PRLR: variants seen among roughly 807,000 people sequenced by gnomAD.
The protein encoded by PRLR is hPRL receptor.
In PRLR, 13 loss-of-function variants were observed where a neutral mutation model predicts 40.2. That is an observed-to-expected ratio of 0.32 (90% CI 0.21 to 0.51). The LOEUF (loss-of-function observed/expected upper bound fraction) is 0.51. PRLR is among the 20% of genes least tolerant of loss of function. The probability of loss-of-function intolerance (pLI) is 0.97; values close to 1 mark genes in which losing one functional copy is unlikely to be tolerated. For missense variants in PRLR, 656 were observed against 747.3 expected (o/e 0.88, Z 1.42); for synonymous variants, 269 against 278.7 (o/e 0.97, Z 0.35).
intron 1 of PRLR, among the ~76,000 whole-genome samples, chr5:35,148,142 C>G (rs946835743): frequency 6.6e-6 from 1 of 152,114 alleles, no homozygotes; most frequent in Non-Finnish European, 1.5e-5. Flanking sequence ...ATCTACCCTT[C>G]TAAATATTTC....
rs373389309 is a variant in PRLR at position 35,065,722 on chromosome 5, T to C, written c.1236A>G (p.Lys412=). ...KIPYFHAGGS[K]CSTWPLPQPS... is the part of the protein sequence containing the mutation. ...GCTGTGGTAAGGGCCATGTTGAACA[T>C]TTGGATCCACCAGCATGAAAATAGG... Residue 412 remains lysine, a synonymous_variant, in exon 10 of 10, where the codon AAA becomes AAG. Coordinates refer to ENST00000618457, the MANE Select transcript of PRLR (RefSeq NM_000949.7). 9 of 1,613,972 alleles carry C rather than the reference T, an allele frequency of 5.6e-6. No individual in the cohort carries two copies. In the African/African-American group the frequency reaches 1.1e-4, roughly 19 times the overall value.
In PRLR at chr5:35,063,450, T is replaced by C. The variant is rs1210750097; in HGVS notation, c.*1639A>G. ...TAGAGAGGGGCTGCTAGATGAGTCA[T>C]GGATGCGCCCTTTAAAATGAGGATC... On this transcript the variant is annotated 3_prime_UTR_variant, in exon 10 of 10. Transcript: ENST00000618457. The C allele has an allele frequency of 1.3e-5, 2 of 152,196 alleles. No homozygotes were observed. Among genetic ancestry groups the C allele is most frequent in the Non-Finnish European group, 2.9e-5 (2 of 68,038 alleles). The allele number at this position is 152,196 out of a possible 1,614,324, so 9.4% of individuals were successfully genotyped here.
At chr5:35,130,757 G>C (rs1031156649) in intron 1 of PRLR, among the ~76,000 whole-genome samples, 23 of 152,156 alleles carry the variant, frequency 1.5e-4, no homozygotes, top group African/African-American at 5.3e-4. Flanking sequence ...TTGGAAATAG[G>C]GTCCTTGCAA....
intron 1 of PRLR, among the ~76,000 whole-genome samples, chr5:35,229,950 C>G (rs1368448900): frequency 6.6e-6 from 1 of 152,182 alleles, no homozygotes; most frequent in African/African-American, 2.4e-5. Flanking sequence ...GGTGAAGATG[C>G]CTTTGACAAA....
At chr5:35,106,947 T>C (rs1772300527) in intron 2 of PRLR, among the ~76,000 whole-genome samples, 1 of 152,286 alleles carries the variant, frequency 6.6e-6, no homozygotes, top group Non-Finnish European at 1.5e-5. Context: ...CACATCGCAC[T>C]TATTCCAAAA....
downstream of PRLR, among the ~76,000 whole-genome samples, chr5:35,052,704 T>C (rs1043358279): frequency 6.6e-6 from 1 of 152,200 alleles, no homozygotes. Context: ...TGTTTGACTG[T>C]AGGTCATAAG....
intron 2 of PRLR, among the ~76,000 whole-genome samples, chr5:35,106,401 T>G (rs1772253044): frequency 6.6e-6 from 1 of 152,288 alleles, no homozygotes; most frequent in East Asian, 1.9e-4. Flanking sequence ...GTAAATGGGC[T>G]AAATGCTCCA....
intron 2 of PRLR, among the ~76,000 whole-genome samples, chr5:35,113,643 G>A (rs988024330): frequency 1.5e-4 from 23 of 152,218 alleles, no homozygotes; most frequent in African/African-American, 5.3e-4. Flanking sequence ...AGAATACAAT[G>A]TTTTGCTGAA....
chr5:35,061,126 A>C lies in PRLR; in HGVS notation c.*3963T>G, dbSNP rs1415620272. On this transcript the variant is annotated 3_prime_UTR_variant, in exon 10 of 10. Transcript: ENST00000618457. Reference sequence around the variant, plus strand: ...CATACATATCTATATCTATATCTATATATATATATAATCCCTATAAGGCAA... The same window carrying C: ...CATACATATCTATATCTATATCTATCTATATATATAATCCCTATAAGGCAA... 2 of 151,964 alleles carry C rather than the reference A, an allele frequency of 1.3e-5. No homozygotes were observed. The highest frequency in any genetic ancestry group is 4.8e-5 in the African/African-American group (2 of 41,352). The allele number at this position is 151,964 out of a possible 1,614,324, so 9.4% of individuals were successfully genotyped here. A position where few individuals can be genotyped will look rare whatever the true frequency, so the allele number is the denominator to read the frequency against.
intron 1 of PRLR, among the ~76,000 whole-genome samples, chr5:35,192,170 C>CTGTTATG (rs1259663944): frequency 6.6e-6 from 1 of 152,180 alleles, no homozygotes; most frequent in African/African-American, 2.4e-5. Context: ...TTGCCAAGAC[C>CTGTTATG]TACTCTGTTA....
chr5:35,149,575 G>A (rs548256813), intron 1 of PRLR, among the ~76,000 whole-genome samples: 1 of 152,228 alleles, frequency 6.6e-6, no homozygotes, highest in East Asian at 1.9e-4. Flanking sequence ...ACTTCAAAAG[G>A]TAAGGGTCTC....
intron 1 of PRLR, among the ~76,000 whole-genome samples, chr5:35,118,867 CT>C (rs1405799079): frequency 6.6e-6 from 1 of 151,902 alleles, no homozygotes; most frequent in Non-Finnish European, 1.5e-5. Flanking sequence ...CTCACTGCAA[CT>C]TCAACCTCCC....
At chr5:35,163,889 G>A (rs1039877170) in intron 1 of PRLR, among the ~76,000 whole-genome samples, 1 of 152,196 alleles carries the variant, frequency 6.6e-6, no homozygotes, top group Non-Finnish European at 1.5e-5. Flanking sequence ...TAGAGACACT[G>A]TGACAAATAG....
chr5:35,161,739 T>C (rs985903842), intron 1 of PRLR, among the ~76,000 whole-genome samples: 3 of 152,238 alleles, frequency 2.0e-5, no homozygotes, highest in African/African-American at 7.2e-5. Flanking sequence ...GCTTGCATTA[T>C]CTGGATAAAT....
At position 35,062,630 on chromosome 5, in the gene PRLR, T is replaced by A. The variant is rs923174324; in HGVS notation, c.*2459A>T. Reference sequence around the variant, plus strand: ...AAAGCAGATTACTTTTATGTTTAGGTTTTCAGACTATAAGAGTGACTGATA... The same window carrying A: ...AAAGCAGATTACTTTTATGTTTAGGATTTCAGACTATAAGAGTGACTGATA... On this transcript the variant is annotated 3_prime_UTR_variant, in exon 10 of 10. Coordinates refer to ENST00000618457, the MANE Select transcript of PRLR (RefSeq NM_000949.7). 5 of 152,314 alleles carry A rather than the reference T, an allele frequency of 3.3e-5. No homozygotes were observed. In the East Asian group the frequency reaches 9.7e-4, roughly 29 times the overall value. 9.4% of individuals were successfully genotyped at this position (152,314 alleles called of 1,614,324 possible). A position where few individuals can be genotyped will look rare whatever the true frequency, so the allele number is the denominator to read the frequency against.
In PRLR at chr5:35,065,903, C is replaced by G; in HGVS notation, c.1055G>C (p.Gly352Ala). 1 of 1,614,124 alleles carries G rather than the reference C, an allele frequency of 6.2e-7. No individual in the cohort carries two copies. The highest frequency in any genetic ancestry group is 1.1e-5 in the South Asian group (1 of 91,066). Residue 352 changes from glycine to alanine, a missense_variant, in exon 10 of 10, where the codon GGG becomes GCG. Coordinates refer to ENST00000618457, the MANE Select transcript of PRLR (RefSeq NM_000949.7). Reference protein sequence around the residue: ...YLDPDTDSGRGSCDSPSLLSE... With the variant: ...YLDPDTDSGRASCDSPSLLSE... ...CAAAAGGGAAGGGCTGTCACAGCTC[C>G]CCCGGCCTGAGTCAGTGTCAGGATC...
chr5:35,178,738 C>G (rs1033476780), intron 1 of PRLR, among the ~76,000 whole-genome samples: 5 of 151,960 alleles, frequency 3.3e-5, no homozygotes, highest in Non-Finnish European at 7.4e-5. Flanking sequence ...TTAGAAATAC[C>G]ATATTTTTTA....
intron 1 of PRLR, among the ~76,000 whole-genome samples, chr5:35,200,642 G>T (rs9687437): frequency 0.094 from 14,266 of 152,076 alleles, 1,391 homozygotes; most frequent in African/African-American, 0.25. Flanking sequence ...AGGGTTTCTG[G>T]GTATTGGTAT....
Position 35,066,908 on chromosome 5 carries a change from C to T in PRLR, c.856-806G>A, listed in dbSNP as rs554654253. ...CCTCCCGAGTAGCTGGGACAACAGG[C>T]GCCCACCACCACGCCTGGCTAATTT... On this transcript the variant is annotated intron_variant, in intron 9 of 9. Transcript: ENST00000618457. Among the ~76,000 whole-genome samples, 12 of 152,068 alleles carry T rather than the reference C, an allele frequency of 7.9e-5. No individual in the cohort carries two copies. The South Asian group carries it at 1.9e-3, about 24-fold the overall frequency.
Sources: gnomAD v4.1 joint callset for allele counts (sites outside exome capture counted in the v4.1 genomes callset) on GRCh38, gnomAD v4.1.1 for gene constraint, MANE v1.5 for transcripts, NCBI Gene and HGNC (gene_info 2026-07-23, HGNC 2026-07-21) for gene names.